Variants in ERBB2 observed in about 807,000 individuals in gnomAD.
ERBB2 encodes the protein erb-b2 receptor tyrosine kinase 2.
Under a neutral mutation model 149.0 loss-of-function variants are expected in ERBB2, and 61 were observed. The observed-to-expected ratio is 0.41, with a 90% confidence interval of 0.33 to 0.51. The LOEUF is 0.51. Among genes scored for constraint, ERBB2 ranks in the 20% least tolerant of loss-of-function variants. The pLI is 0.25. For synonymous variants in ERBB2, 633 were observed against 678.8 expected (o/e 0.93, Z 1.05); for missense variants, 1,205 against 1,655.1 (o/e 0.73, Z 4.72).
chr17:39,709,584 C>A, intron 4 of ERBB2, 132 bp downstream of exon 4: 2 of 1,077,762 alleles, frequency 1.9e-6, no homozygotes, highest in Non-Finnish European at 2.7e-6. Flanking sequence ...CCCTCTCTGT[C>A]CCTCCTGCCA....
chr17:39,691,555 A>AT (rs1487296692), upstream of ERBB2, among the ~76,000 whole-genome samples: 396 of 123,612 alleles, frequency 3.2e-3, 8 homozygotes, highest in Admixed American at 5.4e-3. Context: ...TTAAAAAAAA[A>AT]AATATATATA....
intron 11 of ERBB2, 101 bp from the exon 12 acceptor site, chr17:39,715,639 C>T: frequency 6.4e-7 from 1 of 1,553,938 alleles, no homozygotes; most frequent in Non-Finnish European, 8.9e-7. Context: ...AGTAACCTTT[C>T]CATGAAAGTC....
chr17:39,717,052 G>A (rs2059174079), intron 14 of ERBB2: 3 of 467,282 alleles, frequency 6.4e-6, no homozygotes, highest in Non-Finnish European at 1.1e-5. Flanking sequence ...GTTGTTACTC[G>A]CTGTTACACC....
Position 39,715,749 on chromosome 17 carries a change from C to T in ERBB2, c.1323C>T (p.Tyr441=), listed in dbSNP as rs2145651155. ...IRGRILHNGA[Y]SLTLQGLGIS... ...CACCTTTCTCCCATAGTGGCGCCTA[C>T]TCGCTGACCCTGCAAGGGCTGGGCA... The change falls in exon 12 of 27, where the codon TAC becomes TAT. Residue 441 remains tyrosine, a synonymous_variant. Transcript: ENST00000269571. 1 of 1,606,516 alleles carries T rather than the reference C, an allele frequency of 6.2e-7. No individual in the cohort carries two copies. Among genetic ancestry groups the T allele is most frequent in the Middle Eastern group, 1.6e-4 (1 of 6,062 alleles).
chr17:39,709,526 C>T (rs983696263), intron 4 of ERBB2, 74 bp downstream of exon 4: 179 of 1,548,202 alleles, frequency 1.2e-4, no homozygotes, highest in Non-Finnish European at 1.5e-4. Context: ...AACTTACAAC[C>T]CAGTGCCTGC....
Position 39,700,291 on chromosome 17 carries a change from C to A in ERBB2, c.53C>A (p.Pro18His). ...GGGCTCCTCCTCGCCCTCTTGCCCC[C>A]CGGAGCCGCGAGCACCCAAGGTGGG... is the stretch of plus-strand genomic sequence containing the variant. ...RWGLLLALLPPGAASTQVCTG... is the reference protein window; with the variant it reads ...RWGLLLALLPHGAASTQVCTG... Residue 18 changes from proline to histidine, a missense_variant, in exon 1 of 27, where the codon CCC (proline) becomes CAC (histidine). This residue lies in a region of ERBB2 where 101 missense variants were observed against 95.1 expected (regional missense o/e 1.06). Coordinates refer to ENST00000269571, the MANE Select transcript of ERBB2 (RefSeq NM_004448.4). 7.0e-7 allele frequency: 1 copy of A among 1,429,794 alleles called. No individual in the cohort carries two copies. The allele number at this position is 1,429,794 out of a possible 1,614,324, so 88.6% of individuals were successfully genotyped here. A position where few individuals can be genotyped will look rare whatever the true frequency, so the allele number is the denominator to read the frequency against.
upstream of ERBB2, among the ~76,000 whole-genome samples, chr17:39,691,574 T>TATATATATACACACACAC (rs1244087250): frequency 8.2e-6 from 1 of 122,064 alleles, no homozygotes; most frequent in African/African-American, 4.0e-5. Flanking sequence ...TATATATATA[T>TATATATATACACACACAC]ACACACACAC....
chr17:39,698,197 C>G (rs998660356), upstream of ERBB2, among the ~76,000 whole-genome samples: 1 of 152,038 alleles, frequency 6.6e-6, no homozygotes, highest in African/African-American at 2.4e-5. Flanking sequence ...GATGAGCCAA[C>G]TGAGACCAGA....
chr17:39,698,774 A>G (rs886175471), upstream of ERBB2, among the ~76,000 whole-genome samples: 1 of 152,166 alleles, frequency 6.6e-6, no homozygotes, highest in African/African-American at 2.4e-5. Context: ...TTCATTCTCC[A>G]GTCCCTGATA....
intron 2 of ERBB2, 63 bp from the exon 3 acceptor site, chr17:39,708,258 C>T (rs1424270210): frequency 1.5e-6 from 2 of 1,378,124 alleles, no homozygotes; most frequent in East Asian, 2.3e-5. Context: ...CTGGGGAACC[C>T]CAGGGAGGCC....
chr17:39,708,228 T>C (rs1597861641), intron 2 of ERBB2, 93 bp from the exon 3 acceptor site: 2 of 922,734 alleles, frequency 2.2e-6, no homozygotes. Flanking sequence ...GCTGGGGGCC[T>C]TGCCCAAGAT....
At position 39,700,209 on chromosome 17, in the gene ERBB2, A is replaced by G. The variant is rs2145265804; in HGVS notation, c.-30A>G. ...CGCCCTCCCAGCCGGGTCCAGCCGG[A>G]GCCATGGGGCCGGAGCCGCAGTGAG... On this transcript the variant is annotated 5_prime_UTR_variant, in exon 1 of 27. Coordinates refer to ENST00000269571, the MANE Select transcript of ERBB2 (RefSeq NM_004448.4). 2.1e-6 allele frequency: 3 copies of G among 1,426,592 alleles called. No individual in the cohort carries two copies. Among genetic ancestry groups the G allele is most frequent in the East Asian group, 6.1e-5 (2 of 32,982 alleles). 88.4% of individuals were successfully genotyped at this position (1,426,592 alleles called of 1,614,324 possible).
intron 15 of ERBB2, 88 bp downstream of exon 15, chr17:39,717,568 C>A: frequency 9.3e-7 from 1 of 1,073,678 alleles, no homozygotes; most frequent in Non-Finnish European, 1.3e-6. Flanking sequence ...GACCAACTCT[C>A]CCTTTGTCAT....
chr17:39,704,273 A>G (rs1367882444), intron 1 of ERBB2, among the ~76,000 whole-genome samples: 1 of 151,764 alleles, frequency 6.6e-6, no homozygotes, highest in Non-Finnish European at 1.5e-5. Context: ...ATTAGGACCT[A>G]CCCCCCAGGA....
chr17:39,715,471 G>A lies in ERBB2; in HGVS notation c.1248G>A (p.Pro416=), dbSNP rs140507994. 97 of 1,614,174 alleles carry A rather than the reference G, an allele frequency of 6.0e-5. No individual in the cohort carries two copies. In the African/African-American group the frequency reaches 1.1e-3, roughly 18 times the overall value. The change falls in exon 11 of 27, where the codon CCG becomes CCA. Residue 416 remains proline (P), a synonymous_variant. Transcript: ENST00000269571. ...ITGYLYISAW[P]DSLPDLSVFQ... ...GTTACCTATACATCTCAGCATGGCC[G>A]GACAGCCTGCCTGACCTCAGCGTCT...
At chr17:39,691,556 A>AAAAAAAAAAAAAAAAATATAT (rs573116217), upstream of ERBB2, among the ~76,000 whole-genome samples, 2 of 84,200 alleles carry the variant, frequency 2.4e-5, no homozygotes, top group African/African-American at 1.0e-4. Flanking sequence ...TAAAAAAAAA[A>AAAAAAAAAAAAAAAAATATAT]ATATATATAT....
At chr17:39,698,534 C>T (rs1238604681), upstream of ERBB2, among the ~76,000 whole-genome samples, 1 of 152,206 alleles carries the variant, frequency 6.6e-6, no homozygotes, top group African/African-American at 2.4e-5. Context: ...GCTGGAATTA[C>T]AGGTGTGAGC....
In ERBB2 at chr17:39,716,499, C is replaced by T. The variant is rs1356605089; in HGVS notation, c.1647-16C>T. On this transcript the variant is annotated splice_polypyrimidine_tract_variant and intron_variant, in intron 13 of 26. Coordinates refer to ENST00000269571, the MANE Select transcript of ERBB2 (RefSeq NM_004448.4). ...GGGCTCCTCTCAGACCCCCTCACCA[C>T]TGTCCCTTCTCTCAGGCTCCCCAGG... is the stretch of plus-strand genomic sequence containing the variant. The T allele has an allele frequency of 6.2e-7, 1 of 1,614,098 alleles. No individual in the cohort carries two copies. Among genetic ancestry groups the T allele is most frequent in the Non-Finnish European group, 8.5e-7 (1 of 1,179,986 alleles).
chr17:39,725,931 G>C lies in ERBB2; in HGVS notation c.2872+78G>C, dbSNP rs2059732600. The C allele has an allele frequency of 6.6e-7, 1 of 1,507,484 alleles. No homozygotes were observed. The highest frequency in any genetic ancestry group is 9.1e-7 in the Non-Finnish European group (1 of 1,096,290). The allele number at this position is 1,507,484 out of a possible 1,614,324, so 93.4% of individuals were successfully genotyped here. ...GGAGGAGCCCACAAGGGGCATGAAA[G>C]GGGACCAGGATGTATGTAGACCCAG... On this transcript the variant is annotated intron_variant, in intron 23 of 26. Coordinates refer to ENST00000269571, the MANE Select transcript of ERBB2 (RefSeq NM_004448.4). This position sits in a 1 kb window ranked among gnomAD's most constrained non-coding sequence, Gnocchi z 4.6.
Sources: gnomAD v4.1 joint callset for allele counts (sites outside exome capture counted in the v4.1 genomes callset) on GRCh38, gnomAD v4.1.1 for gene constraint, gnomAD v4.1.1 regional missense constraint, Gnocchi (gnomAD v3.1) non-coding constraint, MANE v1.5 for transcripts, NCBI Gene and HGNC (gene_info 2026-07-23, HGNC 2026-07-21) for gene names.